The following RARB variants were observed in gnomAD, a reference collection of about 807,000 sequenced individuals.
RARB encodes HBV-activated protein.
RARB carries 17 observed loss-of-function variants against 51.9 expected under a neutral mutation model. That is an observed-to-expected ratio of 0.33 (90% confidence interval 0.22 to 0.49). RARB has a LOEUF of 0.49. RARB is among the 20% of genes least tolerant of loss of function. The pLI, the probability that RARB is intolerant of heterozygous loss-of-function variation, is 0.99. For synonymous variants in RARB, 215 were observed against 195.4 expected, an observed-to-expected ratio of 1.10 and a Z score of -0.84; for missense variants, 369 against 550.8, an observed-to-expected ratio of 0.67 and a Z score of 3.30.
chr3:25,124,819 G>C (rs957094809), intron 3 of RARB, among the ~76,000 whole-genome samples: 1 of 152,126 alleles, frequency 6.6e-6, no homozygotes, highest in African/African-American at 2.4e-5. Flanking sequence ...AGCTGCAGCC[G>C]TGTTGTAGAC....
At chr3:25,270,831 G>GT (rs1390227334) in intron 5 of RARB, among the ~76,000 whole-genome samples, 4 of 152,104 alleles carry the variant, frequency 2.6e-5, no homozygotes, top group African/African-American at 9.7e-5. Flanking sequence ...GGTAATTGCG[G>GT]TTTTTGCCAT....
chr3:24,848,382 A>G (rs1309920656), intron 1 of RARB, among the ~76,000 whole-genome samples: 1 of 152,146 alleles, frequency 6.6e-6, no homozygotes, highest in Non-Finnish European at 1.5e-5. Flanking sequence ...TAAACACATC[A>G]AATCCAAATA....
intron 3 of RARB, among the ~76,000 whole-genome samples, chr3:25,128,418 A>G (rs1699894365): frequency 6.7e-6 from 1 of 148,834 alleles, no homozygotes; most frequent in South Asian, 2.1e-4. Flanking sequence ...ATTATACAAA[A>G]TTATATTTTA....
chr3:25,530,793 G>C (rs1310021572), intron 3 of RARB, among the ~76,000 whole-genome samples: 1 of 152,148 alleles, frequency 6.6e-6, no homozygotes, highest in Admixed American at 6.5e-5. Flanking sequence ...TTATGATGTG[G>C]ACATCTTTGA....
chr3:25,153,896 A>G (rs955198984), intron 4 of RARB, among the ~76,000 whole-genome samples: 33 of 152,248 alleles, frequency 2.2e-4, no homozygotes, highest in Non-Finnish European at 1.8e-4. Flanking sequence ...ATGAGGGCCA[A>G]TTAAAGAGCC....
chr3:24,872,036 T>A (rs4858657), intron 2 of RARB, among the ~76,000 whole-genome samples: 1 of 152,144 alleles, frequency 6.6e-6, no homozygotes, highest in African/African-American at 2.4e-5. Context: ...CAATATAACC[T>A]TTTAGTGTTT....
intron 5 of RARB, among the ~76,000 whole-genome samples, chr3:25,248,907 C>T (rs903385048): frequency 2.0e-5 from 3 of 152,140 alleles, no homozygotes; most frequent in African/African-American, 7.2e-5. Flanking sequence ...TACACTCTGC[C>T]ATGAATAAGA....
chr3:25,296,413 G>T (rs1289971307), intron 5 of RARB, among the ~76,000 whole-genome samples: 1 of 152,112 alleles, frequency 6.6e-6, no homozygotes, highest in Admixed American at 6.5e-5. Context: ...TAGCTTTCTG[G>T]GAACTCGGGC....
intron 5 of RARB, among the ~76,000 whole-genome samples, chr3:25,257,408 T>C (rs75549993): frequency 6.6e-6 from 1 of 151,982 alleles, no homozygotes; most frequent in South Asian, 2.1e-4. Context: ...GAGATACTCA[T>C]AGAGATGTAA....
intron 2 of RARB, among the ~76,000 whole-genome samples, chr3:24,906,079 A>C (rs1384613158): frequency 6.6e-6 from 1 of 152,230 alleles, no homozygotes; most frequent in Non-Finnish European, 1.5e-5. Context: ...ACAAAAAATT[A>C]GAACAAAGGA....
At chr3:25,313,858 C>T (rs1704349741) in intron 5 of RARB, among the ~76,000 whole-genome samples, 1 of 151,916 alleles carries the variant, frequency 6.6e-6, no homozygotes, top group East Asian at 1.9e-4. Flanking sequence ...TCGCTTGAGC[C>T]CAGGAGTTCA....
chr3:25,373,309 C>G, intron 5 of RARB, among the ~76,000 whole-genome samples: 1 of 151,994 alleles, frequency 6.6e-6, no homozygotes, highest in East Asian at 1.9e-4. Flanking sequence ...AAGAAGGAAT[C>G]CCAGGAGACT....
chr3:24,943,117 G>GGA (rs1559405654), intron 2 of RARB, among the ~76,000 whole-genome samples: 1 of 152,148 alleles, frequency 6.6e-6, no homozygotes, highest in Non-Finnish European at 1.5e-5. Flanking sequence ...TCTTGACTTA[G>GGA]ATTCCTAAAT....
At chr3:25,298,539 C>A (rs546241873) in intron 5 of RARB, among the ~76,000 whole-genome samples, 1 of 152,258 alleles carries the variant, frequency 6.6e-6, no homozygotes, top group South Asian at 2.1e-4. Context: ...GTCTGTGTTT[C>A]AGAATCAAAC....
intron 5 of RARB, among the ~76,000 whole-genome samples, chr3:25,395,315 C>T (rs1387248370): frequency 6.6e-6 from 1 of 152,160 alleles, no homozygotes; most frequent in African/African-American, 2.4e-5. Context: ...ACGCTTTTGC[C>T]TCACAGCTCT....
intron 2 of RARB, among the ~76,000 whole-genome samples, chr3:25,013,524 G>T (rs1697442567): frequency 6.6e-6 from 1 of 152,026 alleles, no homozygotes; most frequent in African/African-American, 2.4e-5. Flanking sequence ...TGACCCTCAT[G>T]CTTGGTACTG....
intron 5 of RARB, among the ~76,000 whole-genome samples, chr3:25,202,394 A>G (rs921745758): frequency 1.3e-5 from 2 of 151,470 alleles, no homozygotes; most frequent in Non-Finnish European, 2.9e-5. Context: ...CAGCTCCTGG[A>G]TTCTTTGATT....
chr3:25,009,669 T>A (rs1252742280), intron 2 of RARB, among the ~76,000 whole-genome samples: 1 of 152,106 alleles, frequency 6.6e-6, no homozygotes, highest in Non-Finnish European at 1.5e-5. Context: ...TCCAAGGAGT[T>A]CCTTCTCCAA....
chr3:25,349,828 A>T (rs1457673907), intron 5 of RARB, among the ~76,000 whole-genome samples: 1 of 152,192 alleles, frequency 6.6e-6, no homozygotes, highest in Non-Finnish European at 1.5e-5. Flanking sequence ...TTTGCTCATG[A>T]GTCTACAATT....
Sources: allele counts gnomAD v4.1 joint callset (sites outside exome capture counted in the v4.1 genomes callset), GRCh38; gene constraint gnomAD v4.1.1; transcripts MANE v1.5; gene names NCBI Gene and HGNC (gene_info 2026-07-23, HGNC 2026-07-21).